Variants in NCAM1 observed in about 807,000 individuals in gnomAD.
NCAM1 encodes the protein antigen recognized by monoclonal antibody 5.1H11.
In NCAM1, 14 loss-of-function variants were observed where a neutral mutation model predicts 109.8. That is an observed-to-expected ratio of 0.13 (90% CI 0.08 to 0.20). The LOEUF (loss-of-function observed/expected upper bound fraction) is 0.20. Among genes scored for constraint, NCAM1 ranks in the 10% least tolerant of loss-of-function variants. The pLI is 1.00. For synonymous variants in NCAM1, 418 were observed against 442.9 expected, an observed-to-expected ratio of 0.94 and a Z score of 0.70; for missense variants, 774 against 1,109.9, an observed-to-expected ratio of 0.70 and a Z score of 4.30.
Position 113,270,352 on chromosome 11 carries a change from G to T in NCAM1, c.2296G>T (p.Gly766Trp). Residue 766 changes from glycine to tryptophan, a missense_variant, in exon 18 of 20, where the codon GGG becomes TGG. Around this residue, in one of 4 missense-constraint regions of NCAM1, gnomAD observed 122 missense variants for 129.7 expected, o/e 0.94. Transcript: ENST00000316851. ...CAACCTGTGTGGAAAAGCCGGGCCC[G>T]GGGCCAAGGGCAAGGACATGGAGGA... ...AVNLCGKAGP[G>W]AKGKDMEEGK... 1 of 1,613,952 alleles carries T rather than the reference G, an allele frequency of 6.2e-7. No homozygotes were observed. Among genetic ancestry groups the T allele is most frequent in the South Asian group, 1.1e-5 (1 of 91,080 alleles).
chr11:113,189,714 CA>C (rs2136697078), intron 1 of NCAM1, among the ~76,000 whole-genome samples: 1 of 152,176 alleles, frequency 6.6e-6, no homozygotes, highest in South Asian at 2.1e-4. Flanking sequence ...GACTGGGATT[CA>C]AAGGCTCTCT....
intron 1 of NCAM1, among the ~76,000 whole-genome samples, chr11:113,141,872 C>T (rs1020033519): frequency 1.3e-5 from 2 of 151,908 alleles, no homozygotes; most frequent in African/African-American, 2.4e-5. Context: ...TCATTCCAGT[C>T]GTATATAAAA....
At chr11:113,056,633 C>T (rs1565409790) in intron 1 of NCAM1, among the ~76,000 whole-genome samples, 2 of 152,132 alleles carry the variant, frequency 1.3e-5, no homozygotes, top group African/African-American at 2.4e-5. Flanking sequence ...TGACAGCCCT[C>T]GTTCCAGCAG....
intron 17 of NCAM1, among the ~76,000 whole-genome samples, chr11:113,261,190 G>T (rs1945984369): frequency 6.6e-6 from 1 of 151,986 alleles, no homozygotes; most frequent in Non-Finnish European, 1.5e-5. Context: ...GCCTTGGGCA[G>T]CCCCCCTCAT....
intron 1 of NCAM1, among the ~76,000 whole-genome samples, chr11:113,152,890 G>GGGA (rs1555102713): frequency 6.6e-5 from 10 of 152,090 alleles, no homozygotes; most frequent in Non-Finnish European, 1.5e-4. Context: ...ATTGCAAAGT[G>GGGA]TTAAGAAAGG....
intron 16 of NCAM1, 63 bp from the exon 17 acceptor site, chr11:113,260,083 C>A: frequency 6.8e-7 from 1 of 1,477,100 alleles, no homozygotes; most frequent in Non-Finnish European, 9.1e-7. Flanking sequence ...TCTGGTCTTA[C>A]CAGTACTTTT....
At chr11:113,066,029 A>G (rs1458755968) in intron 1 of NCAM1, among the ~76,000 whole-genome samples, 2 of 152,242 alleles carry the variant, frequency 1.3e-5, no homozygotes, top group Non-Finnish European at 2.9e-5. Context: ...GTGATTCATG[A>G]GACAGGGTCA....
chr11:112,966,361 T>C (rs2134476407), intron 1 of NCAM1, among the ~76,000 whole-genome samples: 1 of 152,368 alleles, frequency 6.6e-6, no homozygotes, highest in East Asian at 1.9e-4. Context: ...ACTCAGTGAC[T>C]CTGAGCAATG....
At chr11:112,979,548 G>A (rs1403208318) in intron 1 of NCAM1, among the ~76,000 whole-genome samples, 4 of 151,786 alleles carry the variant, frequency 2.6e-5, no homozygotes, top group Non-Finnish European at 4.4e-5. Flanking sequence ...GGTTACTTCC[G>A]GTGACTCTTT....
In NCAM1 at chr11:113,221,204, G is replaced by C. The variant is rs1944683106; in HGVS notation, c.1060-92G>C. On this transcript the variant is annotated intron_variant, in intron 8 of 19. Transcript: ENST00000316851. ...GTTCTGAATTAAAGAAAAGCTGCAT[G>C]TGCACGGAATGCAGTGTGATACATT... is the stretch of plus-strand genomic sequence containing the variant. 2.3e-6 allele frequency: 3 copies of C among 1,278,950 alleles called. No homozygotes were observed. The South Asian group carries it at 4.0e-5, about 17-fold the overall frequency. 79.2% of individuals were successfully genotyped at this position (1,278,950 alleles called of 1,614,324 possible). A position where few individuals can be genotyped will look rare whatever the true frequency, so the allele number is the denominator to read the frequency against.
At chr11:113,223,083 T>G (rs775721477) in intron 9 of NCAM1, among the ~76,000 whole-genome samples, 1 of 152,182 alleles carries the variant, frequency 6.6e-6, no homozygotes, top group Admixed American at 6.5e-5. Context: ...TTAACCTTCA[T>G]ATTTTTGGGG....
chr11:113,092,209 A>AATT (rs1367732121), intron 1 of NCAM1, among the ~76,000 whole-genome samples: 1 of 152,182 alleles, frequency 6.6e-6, no homozygotes, highest in Non-Finnish European at 1.5e-5. Context: ...TAATTCAATT[A>AATT]AACTTCATAA....
intron 18 of NCAM1, among the ~76,000 whole-genome samples, chr11:113,270,741 C>T (rs1555125141): frequency 6.6e-6 from 1 of 152,160 alleles, no homozygotes; most frequent in East Asian, 1.9e-4. Context: ...ACACACTTAC[C>T]TTGCTTTCGT....
At chr11:113,109,015 C>A (rs2135936732) in intron 1 of NCAM1, among the ~76,000 whole-genome samples, 1 of 150,340 alleles carries the variant, frequency 6.7e-6, no homozygotes, top group Admixed American at 6.6e-5. Context: ...GCTTGGGCCA[C>A]CGGGCCTGGC....
chr11:113,121,212 C>T (rs1245079), intron 1 of NCAM1, among the ~76,000 whole-genome samples: 5,033 of 131,044 alleles, frequency 0.038, 139 homozygotes, highest in East Asian at 0.099. Context: ...TTCTGAGCTC[C>T]AACAACACCA....
chr11:112,975,203 C>T (rs1416512825), intron 1 of NCAM1, among the ~76,000 whole-genome samples: 1 of 152,124 alleles, frequency 6.6e-6, no homozygotes, highest in African/African-American at 2.4e-5. Flanking sequence ...TTCCACATTT[C>T]TTTGATAGAA....
intron 1 of NCAM1, among the ~76,000 whole-genome samples, chr11:113,126,961 T>C (rs554201548): frequency 6.6e-6 from 1 of 152,308 alleles, no homozygotes; most frequent in East Asian, 1.9e-4. Flanking sequence ...GGTTTAAACT[T>C]TCTCTAGAGG....
chr11:113,184,771 ATGGAGACCTTCCACTTG>A (rs1359467700), intron 1 of NCAM1, among the ~76,000 whole-genome samples: 2 of 152,178 alleles, frequency 1.3e-5, no homozygotes, highest in Admixed American at 1.3e-4. Flanking sequence ...GCTGACACTT[ATGGAGACCTTCCACTTG>A]TGGTGTGTGA....
intron 1 of NCAM1, among the ~76,000 whole-genome samples, chr11:113,086,744 C>T (rs1939108531): frequency 6.6e-6 from 1 of 152,064 alleles, no homozygotes; most frequent in Non-Finnish European, 1.5e-5. Flanking sequence ...GAAGCGTGAA[C>T]AGAGGATTGG....
Sources: gnomAD v4.1 joint callset for allele counts (sites outside exome capture counted in the v4.1 genomes callset) on GRCh38, gnomAD v4.1.1 for gene constraint, gnomAD v4.1.1 regional missense constraint, MANE v1.5 for transcripts, NCBI Gene and HGNC (gene_info 2026-07-23, HGNC 2026-07-21) for gene names.